CSPP1: variants seen among roughly 807,000 people sequenced by gnomAD.
CSPP1 encodes centrosome and spindle pole associated protein 1, also known as centrosome and spindle pole-associated protein 1.
In CSPP1, 126 loss-of-function variants were observed where a neutral mutation model predicts 164.4. That is an observed-to-expected ratio of 0.77 (90% CI 0.66 to 0.89). The LOEUF (loss-of-function observed/expected upper bound fraction) is 0.89, where lower values mean the gene tolerates loss of function less well. Ranked by LOEUF, CSPP1 falls within the 40% of genes least tolerant of loss-of-function variation. CSPP1 has a pLI of 0.00. For missense variants in CSPP1, 1,395 were observed against 1,449.8 expected, an observed-to-expected ratio of 0.96 and a Z score of 0.61; for synonymous variants, 472 against 476.7, an observed-to-expected ratio of 0.99 and a Z score of 0.13.
chr8:67,120,274 T>C (rs1381204565), intron 15 of CSPP1, among the ~76,000 whole-genome samples: 1 of 152,188 alleles, frequency 6.6e-6, no homozygotes, highest in Non-Finnish European at 1.5e-5. Flanking sequence ...TACTGTTGCT[T>C]TGAATGTTTT....
chr8:67,093,718 A>G, intron 6 of CSPP1, 77 bp downstream of exon 6: 1 of 787,990 alleles, frequency 1.3e-6, no homozygotes, highest in Non-Finnish European at 2.0e-6. Flanking sequence ...AGCTTTTTCT[A>G]TTTTAGACAT....
chr8:67,153,802 AT>A (rs988336753), intron 18 of CSPP1, among the ~76,000 whole-genome samples: 3 of 151,006 alleles, frequency 2.0e-5, no homozygotes, highest in East Asian at 3.9e-4. Flanking sequence ...ATATTATTTG[AT>A]TTTTTTAACT....
At chr8:67,192,078 G>GTTTT (rs71249424) in intron 29 of CSPP1, among the ~76,000 whole-genome samples, 6 of 127,696 alleles carry the variant, frequency 4.7e-5, no homozygotes, top group Non-Finnish European at 4.9e-5. Flanking sequence ...TTTTTTTTTT[G>GTTTT]TTTTTTTTTT....
In CSPP1 at chr8:67,113,818, G is replaced by C; in HGVS notation, c.1201G>C (p.Glu401Gln). ...AATTTTGTTTAGAGAAAAAGATTTAGAACTCAGGGTTGCAGCGTCTGGAGC... is the reference window on the plus strand; with the variant it reads ...AATTTTGTTTAGAGAAAAAGATTTACAACTCAGGGTTGCAGCGTCTGGAGC... ...QRNKRREKDLELRVAASGAQD... is the reference protein window; with the variant it reads ...QRNKRREKDLQLRVAASGAQD... Residue 401 changes from glutamate to glutamine, a missense_variant, in exon 11 of 31, where the codon GAA becomes CAA. Coordinates refer to ENST00000678616, the MANE Select transcript of CSPP1 (RefSeq NM_001382391.1). 6.4e-7 allele frequency: 1 copy of C among 1,571,476 alleles called. No individual in the cohort carries two copies. The highest frequency in any genetic ancestry group is 8.7e-7 in the Non-Finnish European group (1 of 1,151,938).
chr8:67,115,860 C>T, intron 12 of CSPP1, 54 bp from the exon 13 acceptor site: 1 of 1,419,366 alleles, frequency 7.0e-7, no homozygotes, highest in East Asian at 2.3e-5. Context: ...AGGTCCCTTC[C>T]ACCTTTAAAC....
chr8:67,167,521 G>A (rs1181295875), intron 24 of CSPP1, among the ~76,000 whole-genome samples: 59 of 151,470 alleles, frequency 3.9e-4, no homozygotes, highest in Non-Finnish European at 6.6e-4. Flanking sequence ...CCGGGCGGAG[G>A]GGCTCCTCAC....
chr8:67,124,870 G>A (rs1819757835), intron 15 of CSPP1, among the ~76,000 whole-genome samples: 1 of 151,910 alleles, frequency 6.6e-6, no homozygotes, highest in South Asian at 2.1e-4. Context: ...TGTAGAGACA[G>A]GCGTCTCTCT....
chr8:67,091,951 C>A, intron 5 of CSPP1, 68 bp downstream of exon 5: 1 of 446,624 alleles, frequency 2.2e-6, no homozygotes, highest in Non-Finnish European at 3.8e-6. Flanking sequence ...AAAGAACATA[C>A]TGCTGATTTA....
intron 17 of CSPP1, among the ~76,000 whole-genome samples, chr8:67,145,789 C>G (rs1040149089): frequency 2.0e-5 from 3 of 152,038 alleles, no homozygotes; most frequent in Non-Finnish European, 4.4e-5. Context: ...TCCGAAAGTG[C>G]TGGGATTACA....
At chr8:67,105,291 G>T (rs2129547641) in intron 8 of CSPP1, among the ~76,000 whole-genome samples, 1 of 152,132 alleles carries the variant, frequency 6.6e-6, no homozygotes, top group East Asian at 1.9e-4. Context: ...CTCCCAGGGT[G>T]CTGTAATACA....
At chr8:67,067,827 CAAT>C (rs1425565079) in intron 1 of CSPP1, among the ~76,000 whole-genome samples, 2 of 150,812 alleles carry the variant, frequency 1.3e-5, no homozygotes, top group African/African-American at 4.9e-5. Context: ...CAACCATAAA[CAAT>C]AAAAGAATTG....
intron 24 of CSPP1, among the ~76,000 whole-genome samples, chr8:67,165,158 C>T (rs1829076469): frequency 6.6e-6 from 1 of 152,094 alleles, no homozygotes; most frequent in Non-Finnish European, 1.5e-5. Context: ...GTGGCACGCC[C>T]CTGTGGTCCC....
In CSPP1 at chr8:67,103,089, G is replaced by A. The variant is rs886638413; in HGVS notation, c.976G>A (p.Val326Ile). ...GCCTCCTATGGAACATGATGGGGAT[G>A]TTATAGAACAGTCAAACATAAGAAT... The part of the protein sequence containing the change: ...NMPPMEHDGD[V>I]IEQSNIRISS... Residue 326 changes from valine (V) to isoleucine (I), a missense_variant, in exon 8 of 31, where the codon GTT becomes ATT. Coordinates refer to ENST00000678616, the MANE Select transcript of CSPP1 (RefSeq NM_001382391.1). The A allele has an allele frequency of 6.2e-7, 1 of 1,611,742 alleles. No homozygotes were observed. The highest frequency in any genetic ancestry group is 1.1e-5 in the South Asian group (1 of 91,042).
chr8:67,138,425 C>A (rs1350722490), intron 17 of CSPP1, among the ~76,000 whole-genome samples: 1 of 152,062 alleles, frequency 6.6e-6, no homozygotes, highest in Non-Finnish European at 1.5e-5. Context: ...AATTAGGGAA[C>A]AATGACAAGA....
At position 67,138,706 on chromosome 8, in the gene CSPP1, G is replaced by A. The variant is rs536291703; in HGVS notation, c.1975+1103G>A. On this transcript the variant is annotated intron_variant, in intron 17 of 30. Transcript: ENST00000678616. ...GATTGGATGTTGAGTTAGAATTCTC[G>A]TGTGTTGCAAAAATTTTCTCCCATT... Among the ~76,000 whole-genome samples the A allele has an allele frequency of 1.3e-4, 20 of 152,266 alleles. No individual in the cohort carries two copies. In the South Asian group the frequency reaches 2.9e-3, roughly 22 times the overall value.
intron 19 of CSPP1, among the ~76,000 whole-genome samples, chr8:67,155,348 C>T (rs1337720751): frequency 2.0e-5 from 3 of 152,198 alleles, no homozygotes; most frequent in African/African-American, 7.2e-5. Flanking sequence ...TCTTTGCCTA[C>T]AGAAATTATC....
chr8:67,081,939 G>C (rs1163658800), intron 3 of CSPP1, among the ~76,000 whole-genome samples: 1 of 152,178 alleles, frequency 6.6e-6, no homozygotes, highest in East Asian at 1.9e-4. Flanking sequence ...TAGAGTCTTG[G>C]TATGTTGCCC....
intron 2 of CSPP1, 22 bp downstream of exon 2, chr8:67,074,373 G>A (rs763867108): frequency 5.0e-5 from 72 of 1,440,848 alleles, no homozygotes; most frequent in Non-Finnish European, 6.7e-5. Context: ...AATTTTCTTT[G>A]AACATGTTTT....
At position 67,095,325 on chromosome 8, in the gene CSPP1, T is replaced by A; in HGVS notation, c.516T>A (p.Gly172=). The change falls in exon 7 of 31, where the codon GGT becomes GGA. Residue 172 remains glycine, a synonymous_variant. Transcript: ENST00000678616. ...GTCAGAGAAATAAAAAACCTATTGG[T>A]CAAGTTAAGCCTGATCTAACTTCAC... is the stretch of plus-strand genomic sequence containing the variant. The part of the protein sequence containing the change: ...PKSQRNKKPI[G]QVKPDLTSQI... 1 of 1,575,650 alleles carries A rather than the reference T, an allele frequency of 6.3e-7. No homozygotes were observed. The highest frequency in any genetic ancestry group is 8.6e-7 in the Non-Finnish European group (1 of 1,169,062).
Sources: gnomAD v4.1 joint callset for allele counts (sites outside exome capture counted in the v4.1 genomes callset) on GRCh38, gnomAD v4.1.1 for gene constraint, MANE v1.5 for transcripts, NCBI Gene and HGNC (gene_info 2026-07-23, HGNC 2026-07-21) for gene names.